GLIS3: variants seen among roughly 807,000 people sequenced by gnomAD.
GLIS3 encodes GLIS family zinc finger 3.
GLIS3 carries 53 observed loss-of-function variants against 78.6 expected under a neutral mutation model. That is an observed-to-expected ratio of 0.67 (90% confidence interval 0.54 to 0.85). GLIS3 has a LOEUF of 0.85. GLIS3 is among the 40% of genes least tolerant of loss of function. The pLI is 0.00. For missense variants in GLIS3, 1,703 were observed against 1,231.1 expected (o/e 1.38, Z -5.74); for synonymous variants, 684 against 509.9 (o/e 1.34, Z -4.60).
chr9:4,454,436 A>T, the GLIS3 span, among the ~76,000 whole-genome samples: 1 of 152,244 alleles, frequency 6.6e-6, no homozygotes, highest in Non-Finnish European at 1.5e-5. Flanking sequence ...TGAGAAAAAT[A>T]AAGCCTATAA....
At chr9:4,470,839 G>A in the GLIS3 span, among the ~76,000 whole-genome samples, 2 of 151,848 alleles carry the variant, frequency 1.3e-5, no homozygotes, top group Non-Finnish European at 2.9e-5. Context: ...TGACATGATT[G>A]TATATCTAGA....
intron 2 of GLIS3, among the ~76,000 whole-genome samples, chr9:4,331,661 A>G (rs1196227656): frequency 6.6e-6 from 1 of 152,224 alleles, no homozygotes; most frequent in East Asian, 1.9e-4. Flanking sequence ...ATGATAGAGT[A>G]TGATGGGTTA....
chr9:4,408,320 T>G, the GLIS3 span, among the ~76,000 whole-genome samples: 1 of 151,978 alleles, frequency 6.6e-6, no homozygotes, highest in Non-Finnish European at 1.5e-5. Context: ...ACTCCCATGT[T>G]TGTTGCAGCA....
At chr9:4,456,194 T>C in the GLIS3 span, among the ~76,000 whole-genome samples, 1 of 152,248 alleles carries the variant, frequency 6.6e-6, no homozygotes, top group Non-Finnish European at 1.5e-5. Flanking sequence ...GCACAAACTT[T>C]AATTTTAAAA....
In GLIS3 at chr9:3,961,980, G is replaced by A. The variant is rs545231390; in HGVS notation, c.1711-24791C>T. 3.9e-5 allele frequency among the ~76,000 whole-genome samples: 6 copies of A among 152,238 alleles called. No individual in the cohort carries two copies. The South Asian group carries it at 6.2e-4, about 16-fold the overall frequency. ...AGCACTTTGGGAGGCCGAGGCAGGC[G>A]GATTGCTTGGGGTCAGGAGTTTGAA... On this transcript the variant is annotated intron_variant, in intron 4 of 10. Transcript: ENST00000381971.
the GLIS3 span, among the ~76,000 whole-genome samples, chr9:4,427,717 G>T: frequency 1.3e-5 from 2 of 152,146 alleles, no homozygotes; most frequent in East Asian, 3.9e-4. Flanking sequence ...AAAGTAGCCA[G>T]GTGTGGTGGT....
the GLIS3 span, among the ~76,000 whole-genome samples, chr9:4,432,505 T>C: frequency 6.6e-6 from 1 of 152,118 alleles, no homozygotes; most frequent in Admixed American, 6.5e-5. Context: ...TCAAACACCA[T>C]GTTTAAAGTT....
the GLIS3 span, among the ~76,000 whole-genome samples, chr9:4,467,558 C>A: frequency 2.0e-3 from 300 of 152,306 alleles, 2 homozygotes; most frequent in African/African-American, 6.7e-3. Flanking sequence ...AAAGGATCTG[C>A]AGCTGAGGGA....
chr9:4,258,719 T>A (rs1020518752), intron 2 of GLIS3, among the ~76,000 whole-genome samples: 1 of 152,184 alleles, frequency 6.6e-6, no homozygotes, highest in African/African-American at 2.4e-5. Context: ...TGATCTTATG[T>A]TCTCATTTAT....
chr9:4,229,612 G>A (rs914490866), intron 2 of GLIS3, among the ~76,000 whole-genome samples: 2 of 152,048 alleles, frequency 1.3e-5, no homozygotes, highest in African/African-American at 2.4e-5. Context: ...TTATTAAGAT[G>A]AAGAAAAAAA....
intron 2 of GLIS3, among the ~76,000 whole-genome samples, chr9:4,263,500 A>G (rs1347818595): frequency 8.9e-6 from 1 of 112,568 alleles, no homozygotes; most frequent in African/African-American, 3.6e-5. Flanking sequence ...ACAAGCAAAG[A>G]TTGCATTGAG....
At chr9:4,437,555 A>T in the GLIS3 span, among the ~76,000 whole-genome samples, 2 of 152,190 alleles carry the variant, frequency 1.3e-5, no homozygotes, top group African/African-American at 4.8e-5. Context: ...TGGCATAGCG[A>T]GAGATTTGGC....
chr9:4,143,976 C>T (rs1834014118), intron 2 of GLIS3, among the ~76,000 whole-genome samples: 1 of 152,230 alleles, frequency 6.6e-6, no homozygotes, highest in Admixed American at 6.5e-5. Flanking sequence ...CGACGTCTCC[C>T]TTCCTGTTTA....
intron 4 of GLIS3, among the ~76,000 whole-genome samples, chr9:4,112,664 C>G (rs1240136861): frequency 1.3e-5 from 2 of 152,096 alleles, no homozygotes; most frequent in Non-Finnish European, 2.9e-5. Context: ...GTGGAAAGAT[C>G]AATTTCTCTA....
At chr9:4,078,212 C>A (rs1828240596) in intron 4 of GLIS3, among the ~76,000 whole-genome samples, 1 of 152,108 alleles carries the variant, frequency 6.6e-6, no homozygotes, top group African/African-American at 2.4e-5. Context: ...TCAATATAAT[C>A]CTTTTTGCAA....
At chr9:4,296,580 C>T (rs542037102) in intron 1 of GLIS3, among the ~76,000 whole-genome samples, 2 of 152,122 alleles carry the variant, frequency 1.3e-5, no homozygotes, top group Non-Finnish European at 2.9e-5. Context: ...AACCTGCCTA[C>T]TAAGGAACTT....
intron 9 of GLIS3, among the ~76,000 whole-genome samples, chr9:3,842,880 T>G (rs1180081941): frequency 2.0e-5 from 3 of 152,174 alleles, no homozygotes; most frequent in Non-Finnish European, 4.4e-5. Flanking sequence ...AGGGAGTTCT[T>G]CCCATGGGCA....
chr9:4,003,079 T>C lies in GLIS3; in HGVS notation c.1711-65890A>G, dbSNP rs544193920. ...GTATTTCTAATTTAATATACTACTT[T>C]TCAAAAGTTTTATATATAGGCTGAG... On this transcript the variant is annotated intron_variant, in intron 4 of 10. Transcript: ENST00000381971. Among the ~76,000 whole-genome samples the C allele has an allele frequency of 3.5e-4, 54 of 152,286 alleles. 1 individual carries two copies. In the Middle Eastern group the frequency reaches 0.01, roughly 29 times the overall value.
At chr9:4,162,980 C>T (rs1482037774) in intron 2 of GLIS3, among the ~76,000 whole-genome samples, 1 of 152,276 alleles carries the variant, frequency 6.6e-6, no homozygotes, top group East Asian at 1.9e-4. Context: ...CTGGACCCAG[C>T]TCCCTAAGTA....
Sources: gnomAD v4.1 joint callset for allele counts (sites outside exome capture counted in the v4.1 genomes callset) on GRCh38, gnomAD v4.1.1 for gene constraint, MANE v1.5 for transcripts, NCBI Gene and HGNC (gene_info 2026-07-23, HGNC 2026-07-21) for gene names.